RAD51B: variants seen among roughly 807,000 people sequenced by gnomAD.
RAD51B encodes RAD51 paralog B, also known as DNA repair protein RAD51 homolog 2.
A neutral mutation model predicts 42.2 loss-of-function variants in RAD51B; 38 were observed. That is an observed-to-expected ratio of 0.90 (90% CI 0.70 to 1.18). The LOEUF is 1.18. RAD51B is among the 50% of genes most tolerant of loss of function. The pLI is 0.00. For missense variants in RAD51B, 373 were observed against 400.7 expected, an observed-to-expected ratio of 0.93 and a Z score of 0.59; for synonymous variants, 154 against 145.2, an observed-to-expected ratio of 1.06 and a Z score of -0.43.
intron 7 of RAD51B, among the ~76,000 whole-genome samples, chr14:67,948,090 G>T (rs2045457165): frequency 6.6e-6 from 1 of 152,198 alleles, no homozygotes; most frequent in Non-Finnish European, 1.5e-5. Context: ...TGTATATAAA[G>T]TACGAAATTG....
At chr14:68,198,048 T>C (rs1430270153) in intron 7 of RAD51B, among the ~76,000 whole-genome samples, 1 of 152,178 alleles carries the variant, frequency 6.6e-6, no homozygotes, top group East Asian at 1.9e-4. Context: ...AGCAATCTTC[T>C]TCTACACCTT....
chr14:67,961,893 CA>C (rs1316641343), intron 7 of RAD51B, among the ~76,000 whole-genome samples: 1 of 152,142 alleles, frequency 6.6e-6, no homozygotes, highest in Non-Finnish European at 1.5e-5. Flanking sequence ...AAAACTATAA[CA>C]TTCTGATAAA....
intron 10 of RAD51B, among the ~76,000 whole-genome samples, chr14:68,555,414 T>A (rs996069345): frequency 7.2e-5 from 11 of 152,148 alleles, no homozygotes; most frequent in African/African-American, 2.4e-4. Flanking sequence ...AGTGTCCCTG[T>A]CTGTCTAACG....
At chr14:68,135,852 G>C (rs1249487792) in intron 7 of RAD51B, among the ~76,000 whole-genome samples, 1 of 152,116 alleles carries the variant, frequency 6.6e-6, no homozygotes, top group Non-Finnish European at 1.5e-5. Context: ...AGAGCCTTAA[G>C]TTACCTCAGG....
intron 7 of RAD51B, among the ~76,000 whole-genome samples, chr14:68,139,122 TA>T (rs1449193705): frequency 2.6e-5 from 4 of 152,168 alleles, no homozygotes; most frequent in African/African-American, 9.7e-5. Context: ...TATATACCAG[TA>T]ATTAAAGGAC....
At chr14:68,140,529 G>A (rs1244915432) in intron 7 of RAD51B, among the ~76,000 whole-genome samples, 2 of 152,148 alleles carry the variant, frequency 1.3e-5, no homozygotes, top group Non-Finnish European at 2.9e-5. Context: ...AACAGGCCAG[G>A]GCTTGCCAGC....
intron 10 of RAD51B, among the ~76,000 whole-genome samples, chr14:68,583,264 G>A (rs543692333): frequency 3.4e-4 from 52 of 152,198 alleles, no homozygotes; most frequent in Non-Finnish European, 5.1e-4. Flanking sequence ...TGTCTACAGC[G>A]CCTGCAGACC....
chr14:67,934,270 G>A (rs550474844), intron 7 of RAD51B, among the ~76,000 whole-genome samples: 2 of 152,270 alleles, frequency 1.3e-5, no homozygotes, highest in South Asian at 2.1e-4. Flanking sequence ...AGAGCAGCTG[G>A]TGGCAGTCTT....
intron 8 of RAD51B, chr14:68,338,835 T>C: frequency 1.7e-6 from 1 of 602,016 alleles, no homozygotes. Flanking sequence ...ACAGTGGATC[T>C]CATCGTATCT....
intron 7 of RAD51B, among the ~76,000 whole-genome samples, chr14:67,988,331 C>T (rs539050179): frequency 1.1e-4 from 17 of 152,114 alleles, no homozygotes; most frequent in African/African-American, 3.9e-4. Flanking sequence ...TGGTGGCAGG[C>T]GCCTGTCATC....
At chr14:67,916,665 T>C (rs193216325) in intron 7 of RAD51B, among the ~76,000 whole-genome samples, 347 of 152,342 alleles carry the variant, frequency 2.3e-3, no homozygotes, top group African/African-American at 8.1e-3. Context: ...GTTAAATATG[T>C]GCACTTTGGT....
At chr14:68,237,883 C>A (rs1257636387) in intron 7 of RAD51B, among the ~76,000 whole-genome samples, 1 of 151,804 alleles carries the variant, frequency 6.6e-6, no homozygotes, top group Non-Finnish European at 1.5e-5. Flanking sequence ...TACAGGCATG[C>A]ACCACCACGC....
intron 10 of RAD51B, among the ~76,000 whole-genome samples, chr14:68,629,749 G>A (rs1004673917): frequency 6.6e-6 from 1 of 152,148 alleles, no homozygotes. Context: ...TTCCCCAGCT[G>A]CAAAAAGCAT....
chr14:68,435,212 T>C (rs2085116491), intron 9 of RAD51B, among the ~76,000 whole-genome samples: 1 of 152,302 alleles, frequency 6.6e-6, no homozygotes, highest in East Asian at 1.9e-4. Flanking sequence ...CAGTGTCTAT[T>C]ATTCTCATCT....
chr14:68,429,569 G>A (rs1368179082), intron 9 of RAD51B, among the ~76,000 whole-genome samples: 2 of 152,162 alleles, frequency 1.3e-5, no homozygotes, highest in Non-Finnish European at 2.9e-5. Flanking sequence ...AAAAGTGTCT[G>A]TTCATATCCT....
intron 7 of RAD51B, among the ~76,000 whole-genome samples, chr14:68,146,472 A>C (rs940398292): frequency 8.6e-5 from 13 of 151,622 alleles, no homozygotes; most frequent in African/African-American, 2.7e-4. Flanking sequence ...TCGTCGCAGG[A>C]GGTGACTCAG....
intron 8 of RAD51B, among the ~76,000 whole-genome samples, chr14:68,376,714 C>G (rs2083377609): frequency 6.6e-6 from 1 of 152,350 alleles, no homozygotes; most frequent in African/African-American, 2.4e-5. Context: ...CAGGCCCAGG[C>G]AGTCTTCTCC....
intron 5 of RAD51B, among the ~76,000 whole-genome samples, chr14:67,881,837 T>C (rs1455911989): frequency 6.6e-6 from 1 of 152,234 alleles, no homozygotes; most frequent in Non-Finnish European, 1.5e-5. Flanking sequence ...TCTTTCATTC[T>C]CTCTTGAGTT....
At chr14:67,870,672 C>G (rs1260373360) in intron 5 of RAD51B, among the ~76,000 whole-genome samples, 1 of 97,646 alleles carries the variant, frequency 1.0e-5, no homozygotes, top group Non-Finnish European at 2.1e-5. Context: ...CCAAAATTGA[C>G]CACATACTTG....
Sources: gnomAD v4.1 joint callset for allele counts (sites outside exome capture counted in the v4.1 genomes callset) on GRCh38, gnomAD v4.1.1 for gene constraint, MANE v1.5 for transcripts, NCBI Gene and HGNC (gene_info 2026-07-23, HGNC 2026-07-21) for gene names.